Variants in NEBL observed in about 807,000 individuals in gnomAD.
The protein encoded by NEBL is LIM and SH3 protein 2.
Under a neutral mutation model 140.2 loss-of-function variants are expected in NEBL, and 122 were observed. The ratio of observed to expected loss-of-function variants is 0.87; its 90% CI spans 0.75 to 1.01. NEBL has a LOEUF of 1.01. NEBL is among the 50% of genes least tolerant of loss of function. NEBL has a pLI of 0.00. For synonymous variants in NEBL, 436 were observed against 398.9 expected, an observed-to-expected ratio of 1.09 and a Z score of -1.11; for missense variants, 1,365 against 1,231.3, an observed-to-expected ratio of 1.11 and a Z score of -1.62.
intron 3 of NEBL, among the ~76,000 whole-genome samples, chr10:20,965,674 G>A (rs944833788): frequency 1.3e-5 from 2 of 152,188 alleles, no homozygotes; most frequent in Admixed American, 1.3e-4. Flanking sequence ...GCCCTGACTT[G>A]TGTTTTAAAA....
At chr10:21,159,987 T>A (rs1274204044) in intron 2 of NEBL, among the ~76,000 whole-genome samples, 1 of 152,210 alleles carries the variant, frequency 6.6e-6, no homozygotes, top group Non-Finnish European at 1.5e-5. Flanking sequence ...TACCACCTGT[T>A]TTCTCCTGCT....
At chr10:21,195,767 G>T (rs1037004974) in intron 3 of NEBL, among the ~76,000 whole-genome samples, 8 of 152,124 alleles carry the variant, frequency 5.3e-5, no homozygotes, top group African/African-American at 1.9e-4. Context: ...ATACTCTAGG[G>T]ATAGTAAATT....
At chr10:21,035,696 A>G (rs1042948374) in intron 2 of NEBL, among the ~76,000 whole-genome samples, 5 of 151,704 alleles carry the variant, frequency 3.3e-5, no homozygotes, top group African/African-American at 1.2e-4. Context: ...GGAAGGTCTG[A>G]ACTAGACACC....
At chr10:21,045,675 C>T (rs1265319769) in intron 2 of NEBL, among the ~76,000 whole-genome samples, 1 of 152,172 alleles carries the variant, frequency 6.6e-6, no homozygotes, top group Admixed American at 6.5e-5. Context: ...GGAAAATCGC[C>T]TCACACTTGT....
chr10:20,942,208 C>A (rs943892856), intron 4 of NEBL, among the ~76,000 whole-genome samples: 4 of 152,154 alleles, frequency 2.6e-5, no homozygotes, highest in Non-Finnish European at 4.4e-5. Flanking sequence ...GCTACAGTAA[C>A]CAAAACAGCA....
chr10:21,262,220 T>C (rs375109583), intron 1 of NEBL, among the ~76,000 whole-genome samples: 85 of 152,230 alleles, frequency 5.6e-4, no homozygotes, highest in Non-Finnish European at 9.7e-4. Flanking sequence ...ACCCCAAGAA[T>C]GAAGGACGCT....
intron 3 of NEBL, among the ~76,000 whole-genome samples, chr10:20,993,647 T>C (rs1196321887): frequency 1.3e-5 from 2 of 152,172 alleles, no homozygotes; most frequent in Non-Finnish European, 2.9e-5. Flanking sequence ...AGACCTCTGC[T>C]AGTATCATGT....
chr10:21,144,840 T>A (rs897321862), intron 2 of NEBL, among the ~76,000 whole-genome samples: 7 of 152,046 alleles, frequency 4.6e-5, no homozygotes, highest in Non-Finnish European at 7.4e-5. Flanking sequence ...CATATGTCTC[T>A]CATCTCCTCT....
At chr10:20,875,844 G>A (rs376561730) in intron 5 of NEBL, among the ~76,000 whole-genome samples, 1 of 152,198 alleles carries the variant, frequency 6.6e-6, no homozygotes. Context: ...TTCTTGGTGA[G>A]AAGAAACTAG....
Position 21,083,880 on chromosome 10 carries a change from G to C in NEBL, c.165-63679C>G, listed in dbSNP as rs73607587. On this transcript the variant is annotated intron_variant, in intron 2 of 6. Coordinates refer to the NEBL transcript ENST00000417816. ...GGAAGGAAGAAGCTACACTCTTACA[G>C]GTCTGCCTATGACTGGAACAGATAC... 1.5e-3 allele frequency among the ~76,000 whole-genome samples: 233 copies of C among 152,236 alleles called. 1 individual carries two copies. Among genetic ancestry groups the C allele is most frequent in the African/African-American group, 5.0e-3 (206 of 41,530 alleles).
chr10:21,125,602 A>G (rs1452387967), intron 2 of NEBL, among the ~76,000 whole-genome samples: 1 of 152,164 alleles, frequency 6.6e-6, no homozygotes, highest in African/African-American at 2.4e-5. Context: ...GCCAAACGCA[A>G]TGAATTTAGA....
chr10:21,194,101 A>G (rs1260916834), intron 3 of NEBL, among the ~76,000 whole-genome samples: 1 of 152,032 alleles, frequency 6.6e-6, no homozygotes, highest in Non-Finnish European at 1.5e-5. Context: ...CAGACTCCTG[A>G]GTAGCTGAGA....
At chr10:21,074,206 T>G (rs1459601740) in intron 2 of NEBL, among the ~76,000 whole-genome samples, 2 of 152,206 alleles carry the variant, frequency 1.3e-5, no homozygotes, top group East Asian at 3.9e-4. Context: ...CTAAGTACCA[T>G]GTCGGTCCAT....
Position 20,950,348 on chromosome 10 carries a change from G to A in NEBL, c.357+11324C>T, listed in dbSNP as rs369185283. ...CCAAATTATGCACATTTGAAACTACGATAACTACTCCTTCAACAATCCTGC... is the reference window on the plus strand; with the variant it reads ...CCAAATTATGCACATTTGAAACTACAATAACTACTCCTTCAACAATCCTGC... On this transcript the variant is annotated intron_variant, in intron 4 of 6. Coordinates refer to the NEBL transcript ENST00000417816. Among the ~76,000 whole-genome samples, 490 of 152,264 alleles carry A rather than the reference G, an allele frequency of 3.2e-3. 5 individuals carry two copies. Among genetic ancestry groups the A allele is most frequent in the South Asian group, 0.03 (144 of 4,820 alleles).
intron 2 of NEBL, among the ~76,000 whole-genome samples, chr10:21,139,987 C>CAAAAA (rs11289396): frequency 7.0e-5 from 7 of 99,636 alleles, no homozygotes; most frequent in East Asian, 2.5e-4. Flanking sequence ...CCTGTCTCAA[C>CAAAAA]AAAAAAAAAA....
chr10:21,272,469 G>A (rs1842872097), intron 1 of NEBL, among the ~76,000 whole-genome samples: 1 of 152,000 alleles, frequency 6.6e-6, no homozygotes, highest in Admixed American at 6.6e-5. Context: ...CACATCTGTA[G>A]TCTCAGCTAC....
chr10:21,077,221 T>TC (rs1836137980), intron 2 of NEBL, among the ~76,000 whole-genome samples: 1 of 147,950 alleles, frequency 6.8e-6, no homozygotes, highest in African/African-American at 2.5e-5. Context: ...CTACTTTTCT[T>TC]CAAAAAAAAT....
chr10:21,278,444 T>TA lies in NEBL; in HGVS notation n.182+14385dup, dbSNP rs1338386766. On this transcript the variant is annotated intron_variant and non_coding_transcript_variant, in intron 1 of 8. Coordinates refer to the NEBL transcript ENST00000675702. ...AGGTGACAGAGTAAAACCCTCACTC[T>TA]AAAAAATGAAAAGTAAACTGGTGTG... Among the ~76,000 whole-genome samples, 3 of 152,238 alleles carry TA rather than the reference T, an allele frequency of 2.0e-5. No individual in the cohort carries two copies. The East Asian group carries it at 5.8e-4, about 29-fold the overall frequency.
At chr10:20,852,499 C>T (rs769796680) in intron 10 of NEBL, 46 bp downstream of exon 10, 5 of 1,348,988 alleles carry the variant, frequency 3.7e-6, no homozygotes, top group East Asian at 2.3e-5. Flanking sequence ...AGGATGGTTA[C>T]GGGTTGCTGG....
Sources: allele counts gnomAD v4.1 joint callset (sites outside exome capture counted in the v4.1 genomes callset), GRCh38; gene constraint gnomAD v4.1.1; transcripts MANE v1.5; gene names NCBI Gene and HGNC (gene_info 2026-07-23, HGNC 2026-07-21).